The following NRG1 variants were observed in gnomAD, a reference collection of about 807,000 sequenced individuals.
NRG1 encodes neuregulin 1.
Under a neutral mutation model 63.8 loss-of-function variants are expected in NRG1, and 18 were observed. The observed-to-expected ratio is 0.28, with a 90% confidence interval of 0.19 to 0.42. The LOEUF is 0.42. Among genes scored for constraint, NRG1 ranks in the 10% least tolerant of loss-of-function variants. The probability of loss-of-function intolerance (pLI) is 1.00; values close to 1 mark genes in which losing one functional copy is unlikely to be tolerated. For missense variants in NRG1, 762 were observed against 814.7 expected (o/e 0.94, Z 0.79); for synonymous variants, 302 against 301.3 (o/e 1.00, Z -0.02).
At chr8:31,686,791 C>T (rs4428634) in intron 1 of NRG1, among the ~76,000 whole-genome samples, 129 of 149,962 alleles carry the variant, frequency 8.6e-4, no homozygotes, top group Non-Finnish European at 1.1e-3. Flanking sequence ...TTTTTTGAGA[C>T]GGAGTTTCTC....
intron 1 of NRG1, among the ~76,000 whole-genome samples, chr8:31,836,705 C>T (rs542514485): frequency 3.9e-4 from 59 of 152,160 alleles, no homozygotes; most frequent in African/African-American, 1.3e-3. Flanking sequence ...ATATTTACTT[C>T]CTTTCCAAAG....
intron 1 of NRG1, among the ~76,000 whole-genome samples, chr8:32,059,119 C>T (rs1352429473): frequency 6.6e-6 from 1 of 151,952 alleles, no homozygotes; most frequent in Non-Finnish European, 1.5e-5. Context: ...AGAAAAGATT[C>T]CTAGCATTTG....
chr8:32,138,301 A>T lies in NRG1; in HGVS notation c.38-457527A>T, dbSNP rs117231307. 2.1e-3 allele frequency among the ~76,000 whole-genome samples: 312 copies of T among 152,160 alleles called. 2 individuals are homozygous for T. The highest frequency in any genetic ancestry group is 0.012 in the East Asian group (64 of 5,152). ...CAGAATGTCTGTGCTCTCTATGAGG[A>T]TCTGCATTTAAGCCCAACACCCAAG... On this transcript the variant is annotated intron_variant, in intron 1 of 10. Transcript: ENST00000519301.
intron 1 of NRG1, among the ~76,000 whole-genome samples, chr8:32,172,210 T>G (rs1032173554): frequency 5.3e-5 from 8 of 152,128 alleles, no homozygotes; most frequent in Non-Finnish European, 1.0e-4. Context: ...TTCTGCAGCC[T>G]CCGCTGCTGA....
chr8:32,145,114 A>T (rs535171082), intron 1 of NRG1, among the ~76,000 whole-genome samples: 1 of 152,328 alleles, frequency 6.6e-6, no homozygotes, highest in East Asian at 1.9e-4. Flanking sequence ...GGAAAAAACT[A>T]AGGGTTTAGA....
chr8:32,060,086 T>C (rs530028555), intron 1 of NRG1, among the ~76,000 whole-genome samples: 25 of 152,106 alleles, frequency 1.6e-4, no homozygotes, highest in Middle Eastern at 3.4e-3. Flanking sequence ...TATTTTTTGG[T>C]TATAATAGTT....
chr8:32,137,081 T>C (rs1835629527), intron 1 of NRG1, among the ~76,000 whole-genome samples: 1 of 152,138 alleles, frequency 6.6e-6, no homozygotes. Context: ...ACATGATTTC[T>C]ATGATGAATT....
chr8:31,760,895 G>A (rs908239424), intron 1 of NRG1, among the ~76,000 whole-genome samples: 5 of 152,120 alleles, frequency 3.3e-5, no homozygotes, highest in Admixed American at 2.0e-4. Context: ...TCACTGTGGC[G>A]ATTCCTCAGG....
At chr8:32,743,141 CT>C (rs749838138) in intron 7 of NRG1, 9 of 994,716 alleles carry the variant, frequency 9.0e-6, no homozygotes, top group Non-Finnish European at 1.1e-5. Flanking sequence ...TGTTGCTAAG[CT>C]GTAACCGATA....
chr8:31,867,478 T>C (rs2129611148), intron 1 of NRG1, among the ~76,000 whole-genome samples: 1 of 152,326 alleles, frequency 6.6e-6, no homozygotes, highest in East Asian at 1.9e-4. Flanking sequence ...TCAATCTTGG[T>C]GATGATTCTT....
At chr8:32,067,275 A>G (rs983315828) in intron 1 of NRG1, among the ~76,000 whole-genome samples, 21 of 152,284 alleles carry the variant, frequency 1.4e-4, no homozygotes, top group African/African-American at 5.1e-4. Context: ...CCAGTTTTCA[A>G]AGGGAATGCT....
At chr8:32,735,560 C>T (rs1371469019) in intron 6 of NRG1, among the ~76,000 whole-genome samples, 4 of 152,100 alleles carry the variant, frequency 2.6e-5, no homozygotes, top group African/African-American at 9.7e-5. Flanking sequence ...AGCTGTTTGA[C>T]GAGACAGGGA....
intron 1 of NRG1, among the ~76,000 whole-genome samples, chr8:32,363,508 A>G (rs1227997556): frequency 6.6e-6 from 1 of 152,204 alleles, no homozygotes; most frequent in East Asian, 1.9e-4. Context: ...GTCTTTTCAT[A>G]GATGGATGGG....
intron 1 of NRG1, among the ~76,000 whole-genome samples, chr8:31,775,870 A>C (rs1033763892): frequency 2.3e-5 from 3 of 132,464 alleles, no homozygotes; most frequent in African/African-American, 8.7e-5. Context: ...GCGACAGAGC[A>C]AGACTCCGTC....
At chr8:32,064,995 G>T (rs955051503) in intron 1 of NRG1, among the ~76,000 whole-genome samples, 2 of 151,970 alleles carry the variant, frequency 1.3e-5, no homozygotes, top group Non-Finnish European at 2.9e-5. Flanking sequence ...AATTACATTG[G>T]GGGATAGTCT....
At chr8:32,058,704 CCTT>C (rs1350390516) in intron 1 of NRG1, among the ~76,000 whole-genome samples, 5 of 151,986 alleles carry the variant, frequency 3.3e-5, no homozygotes, top group Admixed American at 2.0e-4. Context: ...ACTTGACTCT[CCTT>C]CTTCTATTAA....
chr8:32,633,411 T>C (rs573164469), intron 5 of NRG1, among the ~76,000 whole-genome samples: 23 of 152,308 alleles, frequency 1.5e-4, no homozygotes, highest in Non-Finnish European at 2.8e-4. Context: ...GCCTCTTGCC[T>C]GGGCATGATC....
intron 1 of NRG1, among the ~76,000 whole-genome samples, chr8:31,726,469 T>C (rs1044004375): frequency 2.0e-5 from 3 of 152,144 alleles, no homozygotes; most frequent in Non-Finnish European, 4.4e-5. Context: ...ACTTAAAAAG[T>C]TTCTCATGCT....
intron 1 of NRG1, among the ~76,000 whole-genome samples, chr8:32,382,962 C>A (rs2129483445): frequency 6.6e-6 from 1 of 151,886 alleles, no homozygotes; most frequent in Non-Finnish European, 1.5e-5. Context: ...TGGCTCACAC[C>A]TGTAATCTCA....
Sources: allele counts gnomAD v4.1 joint callset (sites outside exome capture counted in the v4.1 genomes callset), GRCh38; gene constraint gnomAD v4.1.1; transcripts MANE v1.5; gene names NCBI Gene and HGNC (gene_info 2026-07-23, HGNC 2026-07-21).